DBH: variants seen among roughly 807,000 people sequenced by gnomAD.
DBH encodes the protein dopamine beta-hydroxylase.
DBH carries 49 observed loss-of-function variants against 64.0 expected under a neutral mutation model. The ratio of observed to expected loss-of-function variants is 0.77; its 90% CI spans 0.61 to 0.97. DBH has a LOEUF of 0.97. DBH is among the 50% of genes least tolerant of loss of function. DBH has a pLI of 0.00. For synonymous variants in DBH, 343 were observed against 347.1 expected, an observed-to-expected ratio of 0.99 and a Z score of 0.13; for missense variants, 828 against 826.6, an observed-to-expected ratio of 1.00 and a Z score of -0.02.
In DBH at chr9:133,652,266, G is replaced by T. The variant is rs768364693; in HGVS notation, c.1356G>T (p.Lys452Asn). ...PHFQEIRMLK[K>N]VVSVHPGDVL... The stretch of plus-strand genomic sequence containing the variant: ...CCCAGGAGATCCGCATGTTGAAGAA[G>T]GTCGTGTCGGTCCATCCGGTGAGTG... The change falls in exon 8 of 12, where the codon AAG becomes AAT. Residue 452 changes from lysine to asparagine, a missense_variant. By Grantham distance (94) the Lys-to-Asn change is moderately conservative. Coordinates refer to ENST00000393056, the MANE Select transcript of DBH (RefSeq NM_000787.4). 1 of 1,613,632 alleles carries T rather than the reference G, an allele frequency of 6.2e-7. No homozygotes were observed. The highest frequency in any genetic ancestry group is 8.5e-7 in the Non-Finnish European group (1 of 1,180,040).
At chr9:133,636,877 T>C (rs1832059985) in intron 1 of DBH, among the ~76,000 whole-genome samples, 167 bp downstream of exon 1, 1 of 152,146 alleles carries the variant, frequency 6.6e-6, no homozygotes. Context: ...TTGGGCATCA[T>C]GGGGATCTCA....
chr9:133,657,499 AGAGAGAGAGAGAGAGAGAGG>A (rs1306977572), intron 11 of DBH, among the ~76,000 whole-genome samples: 18 of 140,806 alleles, frequency 1.3e-4, no homozygotes, highest in East Asian at 4.4e-4. Context: ...GAGAGAGAGG[AGAGAGAGAGAGAGAGAGAGG>A]GAGAGAGAGA....
chr9:133,637,415 TGGGCGAGCCCACC>T (rs1198428896), intron 1 of DBH, among the ~76,000 whole-genome samples: 1 of 152,212 alleles, frequency 6.6e-6, no homozygotes, highest in East Asian at 1.9e-4. Context: ...GTCCCCGAAG[TGGGCGAGCCCACC>T]GCCTACAATG....
chr9:133,644,342 C>A (rs1261841709), intron 5 of DBH, 22 bp downstream of exon 5: 3 of 1,584,882 alleles, frequency 1.9e-6, no homozygotes, highest in Non-Finnish European at 2.6e-6. Flanking sequence ...TGCTGCCATC[C>A]TCCTCAGAAG....
rs890147220 is a variant in DBH at position 133,656,523 on chromosome 9, G to T, written c.1435G>T (p.Gly479Trp). The change falls in exon 10 of 12, where the codon GGG becomes TGG. Residue 479 changes from glycine to tryptophan, a missense_variant and splice_region_variant. Gly to Trp is a radical substitution (Grantham distance 184, BLOSUM62 -2). Coordinates refer to ENST00000393056, the MANE Select transcript of DBH (RefSeq NM_000787.4). ...CTGACGGGTCTCCTCCAACTTGCAG[G>T]GGGGCTTCGGGATCCTGGAGGAGAT... The part of the protein sequence containing the change: ...NTEDRELATV[G>W]GFGILEEMCV... The T allele has an allele frequency of 1.9e-6, 3 of 1,613,744 alleles. No individual in the cohort carries two copies. The highest frequency in any genetic ancestry group is 2.7e-5 in the African/African-American group (2 of 74,918).
intron 1 of DBH, among the ~76,000 whole-genome samples, chr9:133,637,165 A>G (rs1256481713): frequency 6.6e-6 from 1 of 152,182 alleles, no homozygotes; most frequent in Non-Finnish European, 1.5e-5. Context: ...CTGCACACCC[A>G]TGGGATCCAG....
Position 133,658,316 on chromosome 9 carries a change from G to A in DBH, c.1723G>A (p.Gly575Ser). 1.9e-6 allele frequency: 3 copies of A among 1,613,840 alleles called. No homozygotes were observed. The South Asian group carries it at 3.3e-5, about 18-fold the overall frequency. Residue 575 changes from glycine to serine, a missense_variant and splice_region_variant, in exon 12 of 12, where the codon GGT becomes AGT. By Grantham distance (56) the Gly-to-Ser change is moderately conservative (BLOSUM62 0). Transcript: ENST00000393056. ...CNKSSAVRFQGEWNLQPLPKV... is the reference protein window; with the variant it reads ...CNKSSAVRFQSEWNLQPLPKV... ...TTACCTCCTGCCCCCTTCCTTGCAGGGTGAATGGAACCTGCAGCCCCTGCC... is the reference window on the plus strand; with the variant it reads ...TTACCTCCTGCCCCCTTCCTTGCAGAGTGAATGGAACCTGCAGCCCCTGCC...
At chr9:133,651,391 G>A (rs921212759) in intron 6 of DBH, among the ~76,000 whole-genome samples, 14 of 152,250 alleles carry the variant, frequency 9.2e-5, no homozygotes, top group South Asian at 4.1e-4. Flanking sequence ...CGGAAAGAAA[G>A]TCGCTCCTGA....
rs759913045 is a variant in DBH, at chr9:133,647,880, C to T, written c.1059C>T (p.Tyr353=). The change falls in exon 6 of 12, where the codon TAC becomes TAT. Residue 353 remains tyrosine (Y), a synonymous_variant. Coordinates refer to ENST00000393056, the MANE Select transcript of DBH (RefSeq NM_000787.4). ...ACTCCTCAGGCATCCGCTTGTACTA[C>T]ACAGCCAAGCTGCGGCGCTTCAACG... is the stretch of plus-strand genomic sequence containing the variant. The part of the protein sequence containing the change: ...RNDSSGIRLY[Y]TAKLRRFNAG... 3.1e-6 allele frequency: 5 copies of T among 1,614,254 alleles called. No individual in the cohort carries two copies. Among genetic ancestry groups the T allele is most frequent in the Middle Eastern group, 1.6e-4 (1 of 6,062 alleles).
chr9:133,656,766 C>T, intron 10 of DBH, 116 bp downstream of exon 10: 1 of 1,343,890 alleles, frequency 7.4e-7, no homozygotes, highest in Non-Finnish European at 1.0e-6. Flanking sequence ...GAGCAGAGAC[C>T]TGTGGCGGCA....
In DBH at chr9:133,652,027, A is replaced by G. The variant is rs115396855; in HGVS notation, c.1336-219A>G. Among the ~76,000 whole-genome samples, 11,199 of 152,154 alleles carry G rather than the reference A, an allele frequency of 0.074. 923 individuals carry two copies. Among genetic ancestry groups the G allele is most frequent in the African/African-American group, 0.2 (8,483 of 41,452 alleles). On this transcript the variant is annotated intron_variant, in intron 7 of 11. Coordinates refer to ENST00000393056, the MANE Select transcript of DBH (RefSeq NM_000787.4). The stretch of plus-strand genomic sequence containing the variant: ...GAGACCCAGGCGGCCCTCTGGGAAC[A>G]TCAATCTTGGTCTTGGATAACCACC...
At position 133,647,882 on chromosome 9, in the gene DBH, C is replaced by T. The variant is rs1436393488; in HGVS notation, c.1061C>T (p.Thr354Ile). The T allele has an allele frequency of 6.2e-7, 1 of 1,614,112 alleles. No individual in the cohort carries two copies. The highest frequency in any genetic ancestry group is 2.2e-5 in the East Asian group (1 of 44,896). Reference sequence around the variant, plus strand: ...TCCTCAGGCATCCGCTTGTACTACACAGCCAAGCTGCGGCGCTTCAACGCG... The same window carrying T: ...TCCTCAGGCATCCGCTTGTACTACATAGCCAAGCTGCGGCGCTTCAACGCG... ...NDSSGIRLYY[T>I]AKLRRFNAGI... The change falls in exon 6 of 12, where the codon ACA (threonine) becomes ATA (isoleucine). Residue 354 changes from threonine (T) to isoleucine (I), a missense_variant. By Grantham distance (89) the Thr-to-Ile change is moderately conservative (BLOSUM62 -1). Coordinates refer to ENST00000393056, the MANE Select transcript of DBH (RefSeq NM_000787.4).
At chr9:133,658,249 GGCTGGGGAAGCA>G in intron 11 of DBH, 55 bp from the exon 12 acceptor site, 1 of 1,597,046 alleles carries the variant, frequency 6.3e-7, no homozygotes, top group Non-Finnish European at 8.6e-7. Context: ...GCTGGGAAGT[GGCTGGGGAAGCA>G]GCCACCCATC....
At chr9:133,642,022 G>A (rs1832121336) in intron 2 of DBH, among the ~76,000 whole-genome samples, 185 bp from the exon 3 acceptor site, 1 of 152,210 alleles carries the variant, frequency 6.6e-6, no homozygotes, top group Admixed American at 6.5e-5. Flanking sequence ...GGGATCCTGG[G>A]GGTCGTCAGC....
rs767299486 is a variant in DBH, at chr9:133,651,643, C to T, written c.1201C>T (p.Pro401Ser). ...TDKCTQLALPPSGIHIFASQL... is the reference protein window; with the variant it reads ...TDKCTQLALPSSGIHIFASQL... ...CCCCCCGACCCCACAGGCACTGCCT[C>T]CCTCCGGGATCCACATCTTCGCCTC... is the stretch of plus-strand genomic sequence containing the variant. Residue 401 changes from proline to serine, a missense_variant, in exon 7 of 12, where the codon CCC (proline) becomes TCC (serine). Coordinates refer to ENST00000393056, the MANE Select transcript of DBH (RefSeq NM_000787.4). The T allele has an allele frequency of 7.4e-6, 12 of 1,613,602 alleles. No individual in the cohort carries two copies. The Admixed American group carries it at 1.8e-4, about 25-fold the overall frequency.
intron 2 of DBH, among the ~76,000 whole-genome samples, chr9:133,640,557 C>A (rs1472869798): frequency 6.6e-6 from 1 of 152,202 alleles, no homozygotes; most frequent in Non-Finnish European, 1.5e-5. Context: ...CTCTAAGAGC[C>A]CCCCAACCTC....
At position 133,643,261 on chromosome 9, in the gene DBH, C is replaced by G. The variant is rs542814731; in HGVS notation, c.745-152C>G. 6.2e-6 allele frequency: 5 copies of G among 804,040 alleles called. No individual in the cohort carries two copies. The highest frequency in any genetic ancestry group is 1.0e-5 in the Non-Finnish European group (5 of 485,614). 49.8% of individuals were successfully genotyped at this position (804,040 alleles called of 1,614,324 possible). On this transcript the variant is annotated intron_variant, in intron 3 of 11. Transcript: ENST00000393056. This position sits in a 1 kb window ranked among gnomAD's most constrained non-coding sequence, Gnocchi z 5.3. ...TTCTTTCTGGGCTGATGGCTCCACCCTCAAGGCTGTGAACCCCAGAAGTGC... is the reference window on the plus strand; with the variant it reads ...TTCTTTCTGGGCTGATGGCTCCACCGTCAAGGCTGTGAACCCCAGAAGTGC...
At chr9:133,645,025 T>C (rs1169991548) in intron 5 of DBH, among the ~76,000 whole-genome samples, 1 of 152,146 alleles carries the variant, frequency 6.6e-6, no homozygotes, top group Non-Finnish European at 1.5e-5. Flanking sequence ...TTTTTCTCTC[T>C]CTCTGAATGG....
intron 1 of DBH, among the ~76,000 whole-genome samples, chr9:133,639,325 A>G (rs1403462208): frequency 6.6e-6 from 1 of 151,896 alleles, no homozygotes; most frequent in Non-Finnish European, 1.5e-5. Context: ...GGCACCTGCT[A>G]TCAATCACCA....
Sources: allele counts gnomAD v4.1 joint callset (sites outside exome capture counted in the v4.1 genomes callset), GRCh38; gene constraint gnomAD v4.1.1; non-coding constraint Gnocchi (gnomAD v3.1); transcripts MANE v1.5; gene names NCBI Gene and HGNC (gene_info 2026-07-23, HGNC 2026-07-21).